CDK13: variants seen among roughly 807,000 people sequenced by gnomAD.
The protein encoded by CDK13 is cyclin dependent kinase 13.
A neutral mutation model predicts 137.6 loss-of-function variants in CDK13; 40 were observed. That is an observed-to-expected ratio of 0.29 (90% CI 0.23 to 0.38). The LOEUF (loss-of-function observed/expected upper bound fraction) is 0.38. Among genes scored for constraint, CDK13 ranks in the 10% least tolerant of loss-of-function variants. The probability of loss-of-function intolerance (pLI) is 1.00; values close to 1 mark genes in which losing one functional copy is unlikely to be tolerated. For missense variants in CDK13, 1,704 were observed against 1,951.8 expected (o/e 0.87, Z 2.39); for synonymous variants, 869 against 760.1 (o/e 1.14, Z -2.36).
At chr7:40,037,718 T>C (rs1785515985) in intron 5 of CDK13, among the ~76,000 whole-genome samples, 1 of 152,236 alleles carries the variant, frequency 6.6e-6, no homozygotes, top group South Asian at 2.1e-4. Context: ...TGACCTTATC[T>C]TTCTTGTAAA....
intron 9 of CDK13, chr7:40,071,622 TATG>T (rs1786425062): frequency 6.6e-6 from 1 of 152,238 alleles, no homozygotes; most frequent in South Asian, 2.1e-4. Flanking sequence ...TTTGTGATAT[TATG>T]CATTGGTCAT....
rs568987834 is a variant in CDK13, at chr7:40,097,527, A to G, written c.*2547A>G. 7 of 152,268 alleles carry G rather than the reference A, an allele frequency of 4.6e-5. No individual in the cohort carries two copies. Among genetic ancestry groups the G allele is most frequent in the Non-Finnish European group, 7.4e-5 (5 of 67,976 alleles). The allele number at this position is 152,268 out of a possible 1,614,324, so 9.4% of individuals were successfully genotyped here. ...TGGGAAATCACTAGTTCTGTAGGTTATAACAGCAGTCATCGCTGAAAATTT... is the reference window on the plus strand; with the variant it reads ...TGGGAAATCACTAGTTCTGTAGGTTGTAACAGCAGTCATCGCTGAAAATTT... On this transcript the variant is annotated 3_prime_UTR_variant, in exon 14 of 14. Transcript: ENST00000181839.
intron 9 of CDK13, among the ~76,000 whole-genome samples, chr7:40,064,606 T>TA (rs915086352): frequency 2.6e-5 from 4 of 152,038 alleles, no homozygotes; most frequent in African/African-American, 9.7e-5. Flanking sequence ...ATGAGTGCCC[T>TA]AGTTAGAGCC....
chr7:39,999,343 T>C lies in CDK13; in HGVS notation c.2043-18T>C, dbSNP rs1043095544. 4 of 1,586,624 alleles carry C rather than the reference T, an allele frequency of 2.5e-6. No homozygotes were observed. The highest frequency in any genetic ancestry group is 1.7e-4 in the Middle Eastern group (1 of 5,934). On this transcript the variant is annotated intron_variant, in intron 3 of 13. Transcript: ENST00000181839. ...TTTGCTTGATTGTATATAAAAACTTTAGAACTATATTTGATAGAATATGTG... is the reference window on the plus strand; with the variant it reads ...TTTGCTTGATTGTATATAAAAACTTCAGAACTATATTTGATAGAATATGTG...
chr7:40,028,810 G>A (rs1041353120), intron 5 of CDK13, among the ~76,000 whole-genome samples: 6 of 151,650 alleles, frequency 4.0e-5, no homozygotes, highest in African/African-American at 7.3e-5. Flanking sequence ...TATGACCACA[G>A]TAATGCAAAT....
At chr7:40,075,218 A>C (rs181458323) in intron 9 of CDK13, among the ~76,000 whole-genome samples, 238 of 152,292 alleles carry the variant, frequency 1.6e-3, no homozygotes, top group African/African-American at 5.6e-3. Context: ...TTGGGGATTT[A>C]GCATATACCT....
intron 1 of CDK13, chr7:39,952,082 A>G: frequency 2.5e-6 from 1 of 396,550 alleles, no homozygotes; most frequent in Non-Finnish European, 4.4e-6. Context: ...TAGCTGTGGC[A>G]GGGAAGATTT....
At chr7:39,967,106 G>T (rs1786104488) in intron 1 of CDK13, among the ~76,000 whole-genome samples, 1 of 152,132 alleles carries the variant, frequency 6.6e-6, no homozygotes, top group South Asian at 2.1e-4. Flanking sequence ...ATCTCCAGCT[G>T]CGTGCTGGGA....
chr7:40,076,435 G>C (rs1786545936), intron 9 of CDK13, among the ~76,000 whole-genome samples: 1 of 152,118 alleles, frequency 6.6e-6, no homozygotes, highest in South Asian at 2.1e-4. Context: ...CATTAGCATA[G>C]ACATGAAGGA....
intron 5 of CDK13, among the ~76,000 whole-genome samples, chr7:40,043,827 G>T (rs1388445208): frequency 1.4e-5 from 2 of 143,304 alleles, no homozygotes; most frequent in African/African-American, 5.3e-5. Flanking sequence ...GTGAGACCCT[G>T]TCTCAAAAAA....
At position 39,951,474 on chromosome 7, in the gene CDK13, C is replaced by T. The variant is rs1169380251; in HGVS notation, c.833C>T (p.Ala278Val). ...AGCCGCAAGGACCGGGACTCGAAGG[C>T]CCACCGCAGCCGGACTAAGTCGTCC... ...SSSRKDRDSKAHRSRTKSSKE... is the reference protein window; with the variant it reads ...SSSRKDRDSKVHRSRTKSSKE... Residue 278 changes from alanine to valine, a missense_variant, in exon 1 of 14, where the codon GCC (alanine) becomes GTC (valine). Coordinates refer to ENST00000181839, the MANE Select transcript of CDK13 (RefSeq NM_003718.5). 19 of 1,537,090 alleles carry T rather than the reference C, an allele frequency of 1.2e-5. No individual in the cohort carries two copies. Among genetic ancestry groups the T allele is most frequent in the Non-Finnish European group, 1.4e-5 (16 of 1,142,830 alleles).
intron 5 of CDK13, among the ~76,000 whole-genome samples, chr7:40,005,939 C>T (rs368388692): frequency 6.6e-6 from 1 of 151,938 alleles, no homozygotes; most frequent in Non-Finnish European, 1.5e-5. Flanking sequence ...TCCCCAAGGC[C>T]GGCGTCAAAC....
chr7:40,047,971 GAGA>G, intron 7 of CDK13, 94 bp downstream of exon 7: 1 of 807,512 alleles, frequency 1.2e-6, no homozygotes, highest in Non-Finnish European at 2.0e-6. Flanking sequence ...TTTTTTAAAA[GAGA>G]AGTTTACTTT....
intron 6 of CDK13, among the ~76,000 whole-genome samples, chr7:40,046,263 T>C (rs1785738381): frequency 6.6e-6 from 1 of 152,162 alleles, no homozygotes; most frequent in Admixed American, 6.5e-5. Context: ...TCTAAAATTT[T>C]TAAAATAAAG....
intron 5 of CDK13, among the ~76,000 whole-genome samples, chr7:40,029,928 A>G (rs1220229929): frequency 4.6e-5 from 7 of 152,160 alleles, no homozygotes; most frequent in African/African-American, 1.4e-4. Context: ...CTGGGATTGC[A>G]GGCATGAGTC....
chr7:39,970,749 C>T (rs1783980538), intron 1 of CDK13, among the ~76,000 whole-genome samples: 1 of 152,230 alleles, frequency 6.6e-6, no homozygotes, highest in African/African-American at 2.4e-5. Context: ...GCATGAGCCA[C>T]TGCGCCTGGC....
rs1247015266 is a variant in CDK13, at chr7:40,097,494, A to G, written c.*2514A>G. 6.6e-6 allele frequency: 1 copy of G among 152,100 alleles called. No homozygotes were observed. Among genetic ancestry groups the G allele is most frequent in the Non-Finnish European group, 1.5e-5 (1 of 67,978 alleles). The allele number at this position is 152,100 out of a possible 1,614,324, so 9.4% of individuals were successfully genotyped here. A position where few individuals can be genotyped will look rare whatever the true frequency, so the allele number is the denominator to read the frequency against. ...TAATTCAGTGAATTTGGATTAATAG[A>G]ACAAAGTTGGGAAATCACTAGTTCT... On this transcript the variant is annotated 3_prime_UTR_variant, in exon 14 of 14. Transcript: ENST00000181839.
At position 40,082,855 on chromosome 7, in the gene CDK13, C is replaced by T. The variant is rs949708943; in HGVS notation, c.3029+4004C>T. ...GTGGCTCATGCCTGTAATCCCAGCA[C>T]TTTGAGAGGCCAAGGCAGGTGGATC... On this transcript the variant is annotated intron_variant, in intron 11 of 13. Coordinates refer to ENST00000181839, the MANE Select transcript of CDK13 (RefSeq NM_003718.5). 2.6e-5 allele frequency among the ~76,000 whole-genome samples: 4 copies of T among 151,440 alleles called. 1 individual carries two copies. The highest frequency in any genetic ancestry group is 2.6e-4 in the Admixed American group (4 of 15,184).
At chr7:40,083,864 A>T (rs1215966028) in intron 11 of CDK13, among the ~76,000 whole-genome samples, 1 of 151,778 alleles carries the variant, frequency 6.6e-6, no homozygotes, top group African/African-American at 2.4e-5. Context: ...TTTATAAACA[A>T]TATAATATAA....
Sources: gnomAD v4.1 joint callset for allele counts (sites outside exome capture counted in the v4.1 genomes callset) on GRCh38, gnomAD v4.1.1 for gene constraint, MANE v1.5 for transcripts, NCBI Gene and HGNC (gene_info 2026-07-23, HGNC 2026-07-21) for gene names.